PPP1R1C: variants seen among roughly 807,000 people sequenced by gnomAD.
The protein encoded by PPP1R1C is protein phosphatase 1 regulatory inhibitor subunit 1C.
PPP1R1C carries 15 observed loss-of-function variants against 17.4 expected under a neutral mutation model. The ratio of observed to expected loss-of-function variants is 0.86; its 90% CI spans 0.58 to 1.33. The LOEUF (loss-of-function observed/expected upper bound fraction) is 1.33. PPP1R1C is among the 40% of genes most tolerant of loss of function. The pLI is 0.00. For synonymous variants in PPP1R1C, 35 were observed against 43.1 expected (o/e 0.81, Z 0.73); for missense variants, 143 against 130.0 (o/e 1.10, Z -0.48).
chr2:182,031,353 T>A (rs1007121397), intron 2 of PPP1R1C, among the ~76,000 whole-genome samples: 1 of 152,260 alleles, frequency 6.6e-6, no homozygotes, highest in Non-Finnish European at 1.5e-5. Flanking sequence ...TATAGTGGAC[T>A]GTCTTGCTTG....
At chr2:182,125,831 T>C (rs1017089404) in intron 5 of PPP1R1C, among the ~76,000 whole-genome samples, 1 of 152,146 alleles carries the variant, frequency 6.6e-6, no homozygotes, top group Admixed American at 6.6e-5. Flanking sequence ...ATTTTGTTAA[T>C]CTTTTCAAAG....
chr2:181,976,949 G>A lies in PPP1R1C; in HGVS notation n.157+1685G>A, dbSNP rs1261976034. ...GGCCAGGAGTTCAAGACCAGCCTGG[G>A]CAACATAGCGAGACCCTGTCTCTAC... On this transcript the variant is annotated intron_variant and non_coding_transcript_variant, in intron 2 of 5. Transcript: ENST00000464264. The surrounding 1 kb of genome is among the most constrained non-coding windows in gnomAD (Gnocchi z 4.8). 6.6e-6 allele frequency among the ~76,000 whole-genome samples: 1 copy of A among 151,424 alleles called. No homozygotes were observed. Among genetic ancestry groups the A allele is most frequent in the East Asian group, 1.9e-4 (1 of 5,152 alleles).
chr2:182,034,135 C>T (rs1686928914), intron 2 of PPP1R1C, among the ~76,000 whole-genome samples: 1 of 152,058 alleles, frequency 6.6e-6, no homozygotes, highest in African/African-American at 2.4e-5. Flanking sequence ...TTTTTGAGTG[C>T]CTACTATGTC....
At chr2:182,107,893 C>A (rs1689299247) in intron 4 of PPP1R1C, among the ~76,000 whole-genome samples, 1 of 151,834 alleles carries the variant, frequency 6.6e-6, no homozygotes, top group African/African-American at 2.4e-5. Context: ...TTTCTGCTTG[C>A]TATTGTAGGT....
chr2:182,036,656 T>G (rs1484789131), intron 2 of PPP1R1C, among the ~76,000 whole-genome samples: 2 of 152,180 alleles, frequency 1.3e-5, no homozygotes, highest in Non-Finnish European at 2.9e-5. Flanking sequence ...GTTATTATTA[T>G]AACTTAACCT....
chr2:182,106,644 G>A (rs1199653944), intron 4 of PPP1R1C, among the ~76,000 whole-genome samples: 2 of 152,064 alleles, frequency 1.3e-5, no homozygotes, highest in East Asian at 1.9e-4. Flanking sequence ...GGTACACTTG[G>A]GCAAGAATCC....
chr2:181,996,082 G>C (rs1215222466), intron 2 of PPP1R1C, among the ~76,000 whole-genome samples: 2 of 152,116 alleles, frequency 1.3e-5, no homozygotes, highest in African/African-American at 4.8e-5. Flanking sequence ...CACTATAACA[G>C]GTTGGAACAC....
chr2:182,029,352 G>A (rs371562392), intron 2 of PPP1R1C, among the ~76,000 whole-genome samples: 96 of 152,118 alleles, frequency 6.3e-4, no homozygotes, highest in Middle Eastern at 6.8e-3. Flanking sequence ...GGCTGGTACC[G>A]GTTGTTCCTT....
At chr2:182,116,790 A>G (rs1321610942) in intron 4 of PPP1R1C, among the ~76,000 whole-genome samples, 1 of 152,142 alleles carries the variant, frequency 6.6e-6, no homozygotes, top group Non-Finnish European at 1.5e-5. Context: ...TGTTGTTTAT[A>G]AGTTACAGAA....
chr2:182,061,335 T>G (rs569610085), intron 2 of PPP1R1C, 107 bp from the exon 3 acceptor site: 1 of 809,536 alleles, frequency 1.2e-6, no homozygotes, highest in African/African-American at 1.9e-5. Context: ...AGTTTTTGTA[T>G]AAGGCAATTA....
intron 2 of PPP1R1C, among the ~76,000 whole-genome samples, chr2:181,977,652 T>G (rs1289234658): frequency 6.6e-6 from 1 of 152,176 alleles, no homozygotes; most frequent in Non-Finnish European, 1.5e-5. Flanking sequence ...AAAAGTGTGG[T>G]GGCTCATGCC....
At position 182,117,696 on chromosome 2, in the gene PPP1R1C, T is replaced by TGTGA. The variant is rs1238484139; in HGVS notation, c.*404_*405insAGTG. 3.3e-5 allele frequency: 3 copies of TGTGA among 90,942 alleles called. No homozygotes were observed. The highest frequency in any genetic ancestry group is 6.5e-5 in the Non-Finnish European group (3 of 45,802). 5.6% of individuals were successfully genotyped at this position (90,942 alleles called of 1,614,324 possible). A position where few individuals can be genotyped will look rare whatever the true frequency, so the allele number is the denominator to read the frequency against. On this transcript the variant is annotated 3_prime_UTR_variant, in exon 5 of 5. Transcript: ENST00000682840. ...TAGTAAACACATTTAGACATGAGTG[T>TGTGA]GTGTGTGTGTGTGTGTGGGTTTAGC...
At chr2:181,960,422 A>G (rs1208531584) in intron 1 of PPP1R1C, among the ~76,000 whole-genome samples, 2 of 152,224 alleles carry the variant, frequency 1.3e-5, no homozygotes, top group African/African-American at 2.4e-5. Flanking sequence ...TATCAAATTC[A>G]TAGAAGCATA....
At chr2:181,996,455 A>AT (rs1431537681) in intron 2 of PPP1R1C, among the ~76,000 whole-genome samples, 1 of 152,170 alleles carries the variant, frequency 6.6e-6, no homozygotes, top group African/African-American at 2.4e-5. Flanking sequence ...TGTTACACCT[A>AT]TATCTGTGAG....
Position 182,124,620 on chromosome 2 carries a change from G to A in PPP1R1C, c.*7-4354G>A, listed in dbSNP as rs564982595. Among the ~76,000 whole-genome samples the A allele has an allele frequency of 5.9e-5, 9 of 152,128 alleles. No homozygotes were observed. The East Asian group carries it at 7.7e-4, about 13-fold the overall frequency. ...CTTAGAGAGGTCCTTCACATCCCTC[G>A]TAAGTTGCATTCCTAGGTGTTTTAC... On this transcript the variant is annotated intron_variant, in intron 5 of 5. Transcript: ENST00000280295.
chr2:181,970,003 C>T (rs1684975655), intron 1 of PPP1R1C, among the ~76,000 whole-genome samples: 1 of 152,150 alleles, frequency 6.6e-6, no homozygotes, highest in African/African-American at 2.4e-5. Context: ...ATTCTGAATT[C>T]CTTCTCTGTG....
chr2:182,108,356 G>A (rs749420856), intron 4 of PPP1R1C, among the ~76,000 whole-genome samples: 2 of 151,962 alleles, frequency 1.3e-5, no homozygotes, highest in Non-Finnish European at 2.9e-5. Context: ...CAGACTCCTG[G>A]ACAGTCTTCT....
rs185157093 is a variant in PPP1R1C at position 181,976,813 on chromosome 2, T to C, written n.157+1549T>C. On this transcript the variant is annotated intron_variant and non_coding_transcript_variant, in intron 2 of 5. Transcript: ENST00000464264. The surrounding 1 kb of genome is among the most constrained non-coding windows in gnomAD (Gnocchi z 4.8). ...GTCCCATGTTTGAAGGAGGCTTTCTTTTAACTGTCAAGGTGTTTTTTAAAG... is the reference window on the plus strand; with the variant it reads ...GTCCCATGTTTGAAGGAGGCTTTCTCTTAACTGTCAAGGTGTTTTTTAAAG... Among the ~76,000 whole-genome samples, 4 of 152,064 alleles carry C rather than the reference T, an allele frequency of 2.6e-5. No homozygotes were observed. Among genetic ancestry groups the C allele is most frequent in the Admixed American group, 6.6e-5 (1 of 15,256 alleles).
chr2:182,052,308 G>C (rs974657617), intron 2 of PPP1R1C, among the ~76,000 whole-genome samples: 1 of 152,128 alleles, frequency 6.6e-6, no homozygotes, highest in Non-Finnish European at 1.5e-5. Flanking sequence ...AGAAAAACAC[G>C]TATCATTGAA....
Sources: gnomAD v4.1 joint callset for allele counts (sites outside exome capture counted in the v4.1 genomes callset) on GRCh38, gnomAD v4.1.1 for gene constraint, Gnocchi (gnomAD v3.1) non-coding constraint, MANE v1.5 for transcripts, NCBI Gene and HGNC (gene_info 2026-07-23, HGNC 2026-07-21) for gene names.